The following RNF170 variants were observed in gnomAD, a reference collection of about 807,000 sequenced individuals.
The protein encoded by RNF170 is E3 ubiquitin-protein ligase RNF170.
A neutral mutation model predicts 32.7 loss-of-function variants in RNF170; 12 were observed. That is an observed-to-expected ratio of 0.37 (90% CI 0.24 to 0.60). RNF170 has a LOEUF of 0.60. RNF170 is among the 20% of genes least tolerant of loss of function. The pLI, the probability that RNF170 is intolerant of heterozygous loss-of-function variation, is 0.72. For missense variants in RNF170, 212 were observed against 311.2 expected (o/e 0.68, Z 2.40); for synonymous variants, 91 against 103.6 (o/e 0.88, Z 0.74).
intron 1 of RNF170, among the ~76,000 whole-genome samples, chr8:42,891,998 T>G (rs576926286): frequency 5.3e-5 from 8 of 152,272 alleles, no homozygotes; most frequent in African/African-American, 1.9e-4. Context: ...CAAACTGAGC[T>G]TCAATGCCCG....
In RNF170 at chr8:42,855,957, ACTT is replaced by A; in HGVS notation, c.*199_*201del. On this transcript the variant is annotated 3_prime_UTR_variant, in exon 7 of 7. Transcript: ENST00000527424. ...CAACTGTAGATCATTATAATTCTAA[ACTT>A]AATATTAGAACTTCAAACATGAAAA... 1 of 1,383,212 alleles carries A rather than the reference ACTT, an allele frequency of 7.2e-7. No homozygotes were observed. The highest frequency in any genetic ancestry group is 9.6e-7 in the Non-Finnish European group (1 of 1,039,562). The allele number at this position is 1,383,212 out of a possible 1,614,324, so 85.7% of individuals were successfully genotyped here.
intron 3 of RNF170, among the ~76,000 whole-genome samples, chr8:42,872,555 G>T (rs904132239): frequency 1.4e-4 from 22 of 152,110 alleles, no homozygotes; most frequent in African/African-American, 2.4e-5. Context: ...TGATTCTCCT[G>T]CCTCAGCCTC....
Position 42,888,396 on chromosome 8 carries a change from A to G in RNF170, c.-7-525T>C, listed in dbSNP as rs1385217757. ...ATTTCTTTTAAGGAAAACAATTACT[A>G]TAATTTATCATTTATTTATGTATTT... is the stretch of plus-strand genomic sequence containing the variant. On this transcript the variant is annotated intron_variant, in intron 1 of 6. Transcript: ENST00000527424. 2.6e-5 allele frequency among the ~76,000 whole-genome samples: 4 copies of G among 152,100 alleles called. No individual in the cohort carries two copies. In the East Asian group the frequency reaches 5.8e-4, roughly 22 times the overall value.
chr8:42,867,828 A>G (rs1011651481), intron 4 of RNF170, among the ~76,000 whole-genome samples: 2 of 151,608 alleles, frequency 1.3e-5, no homozygotes, highest in Non-Finnish European at 2.9e-5. Context: ...AGGAGTGCAG[A>G]GAAGTATGCA....
At chr8:42,863,216 T>C (rs1275137117) in intron 5 of RNF170, among the ~76,000 whole-genome samples, 2 of 152,162 alleles carry the variant, frequency 1.3e-5, no homozygotes, top group African/African-American at 2.4e-5. Context: ...AGACCTATTA[T>C]ATTAAGACAA....
In RNF170 at chr8:42,854,447, C is replaced by T; in HGVS notation, c.*1712G>A. ...GAAAGGGAAGTTGGTGTCCTGCGTT[C>T]CTCACAAAATTATCCAAAGGATAAA... On this transcript the variant is annotated 3_prime_UTR_variant, in exon 7 of 7. Transcript: ENST00000527424. 1 of 1,287,078 alleles carries T rather than the reference C, an allele frequency of 7.8e-7. No homozygotes were observed. The highest frequency in any genetic ancestry group is 1.0e-6 in the Non-Finnish European group (1 of 988,586). 79.7% of individuals were successfully genotyped at this position (1,287,078 alleles called of 1,614,324 possible). A position where few individuals can be genotyped will look rare whatever the true frequency, so the allele number is the denominator to read the frequency against.
chr8:42,858,156 G>GT, intron 6 of RNF170, among the ~76,000 whole-genome samples: 1 of 151,800 alleles, frequency 6.6e-6, no homozygotes. Flanking sequence ...CGGAGGATAT[G>GT]TAAAAAAAAA....
At chr8:42,865,364 A>T in intron 5 of RNF170, 52 bp downstream of exon 5, 1 of 1,404,134 alleles carries the variant, frequency 7.1e-7, no homozygotes, top group Admixed American at 1.7e-5. Flanking sequence ...AAACTATAAA[A>T]ATGTACAAAA....
chr8:42,887,442 T>A (rs2128952310), intron 2 of RNF170, among the ~76,000 whole-genome samples: 1 of 152,368 alleles, frequency 6.6e-6, no homozygotes, highest in Middle Eastern at 3.4e-3. Flanking sequence ...GTTGATGGAT[T>A]TAATTATGGA....
upstream of RNF170, chr8:42,897,060 C>A: frequency 8.7e-7 from 1 of 1,153,480 alleles, no homozygotes; most frequent in Non-Finnish European, 1.1e-6. Flanking sequence ...CTGCGCGGGC[C>A]CCCGGATCCC....
intron 4 of RNF170, among the ~76,000 whole-genome samples, chr8:42,866,080 A>G (rs1227423703): frequency 6.6e-6 from 1 of 152,188 alleles, no homozygotes; most frequent in African/African-American, 2.4e-5. Flanking sequence ...AAAACATTAT[A>G]TTTCCTATGT....
At chr8:42,883,387 G>A (rs1355867391) in intron 2 of RNF170, among the ~76,000 whole-genome samples, 1 of 151,992 alleles carries the variant, frequency 6.6e-6, no homozygotes, top group Non-Finnish European at 1.5e-5. Context: ...TGTACTTAAC[G>A]CCACGGAATT....
At chr8:42,884,793 C>T (rs1170884341) in intron 2 of RNF170, among the ~76,000 whole-genome samples, 2 of 147,738 alleles carry the variant, frequency 1.4e-5, no homozygotes, top group Admixed American at 6.9e-5. Context: ...CCTCTGCTTC[C>T]CAGGTTCAAG....
intron 6 of RNF170, among the ~76,000 whole-genome samples, chr8:42,861,080 C>T (rs1437382940): frequency 6.6e-6 from 1 of 152,246 alleles, no homozygotes; most frequent in Admixed American, 6.5e-5. Context: ...TAAACCACAA[C>T]TGTGAAACTT....
intron 6 of RNF170, among the ~76,000 whole-genome samples, chr8:42,856,930 A>G (rs1221242658): frequency 6.6e-6 from 1 of 152,256 alleles, no homozygotes; most frequent in African/African-American, 2.4e-5. Flanking sequence ...TTCCCTGGCA[A>G]GCGGACTAAA....
intron 5 of RNF170, among the ~76,000 whole-genome samples, chr8:42,863,094 T>C (rs953061577): frequency 6.6e-6 from 1 of 152,186 alleles, no homozygotes. Context: ...GCAGCCTGTG[T>C]ATTGCTATTT....
In RNF170 at chr8:42,896,570, C is replaced by A. The variant is rs780706130; in HGVS notation, c.-94G>T. On this transcript the variant is annotated 5_prime_UTR_variant, in exon 1 of 7. Transcript: ENST00000527424. ...GACCGCTCCCGCCACCCCTCCCGGGCAACCCACTAGACGTCCCCTTTCTAA... is the reference window on the plus strand; with the variant it reads ...GACCGCTCCCGCCACCCCTCCCGGGAAACCCACTAGACGTCCCCTTTCTAA... 3.5e-5 allele frequency: 16 copies of A among 453,942 alleles called. No individual in the cohort carries two copies. Among genetic ancestry groups the A allele is most frequent in the South Asian group, 2.3e-4 (15 of 64,488 alleles). 28.1% of individuals were successfully genotyped at this position (453,942 alleles called of 1,614,324 possible).
downstream of RNF170, among the ~76,000 whole-genome samples, chr8:42,852,624 C>T (rs1270863256): frequency 2.6e-5 from 4 of 151,956 alleles, no homozygotes; most frequent in Non-Finnish European, 5.9e-5. Flanking sequence ...ACTATGTTGG[C>T]CAGGCTGGTC....
chr8:42,861,584 C>G, intron 6 of RNF170, 161 bp downstream of exon 6: 1 of 644,912 alleles, frequency 1.6e-6, no homozygotes, highest in East Asian at 2.9e-5. Flanking sequence ...CTCAAGTGAT[C>G]CACCTGCCTT....
Sources: gnomAD v4.1 joint callset for allele counts (sites outside exome capture counted in the v4.1 genomes callset) on GRCh38, gnomAD v4.1.1 for gene constraint, MANE v1.5 for transcripts, NCBI Gene and HGNC (gene_info 2026-07-23, HGNC 2026-07-21) for gene names.